Variants in NELL1 observed in about 807,000 individuals in gnomAD.
NELL1 encodes neural EGFL like 1, also known as protein kinase C-binding protein NELL1.
A neutral mutation model predicts 107.4 loss-of-function variants in NELL1; 76 were observed. The observed-to-expected ratio is 0.71, with a 90% CI of 0.59 to 0.86. NELL1 has a LOEUF of 0.86. NELL1 is among the 40% of genes least tolerant of loss of function. The pLI is 0.00. For synonymous variants in NELL1, 353 were observed against 341.2 expected (o/e 1.03, Z -0.38); for missense variants, 1,024 against 1,005.5 (o/e 1.02, Z -0.25).
At chr11:21,206,529 T>C (rs1335532001) in intron 13 of NELL1, among the ~76,000 whole-genome samples, 2 of 152,330 alleles carry the variant, frequency 1.3e-5, no homozygotes, top group East Asian at 1.9e-4. Context: ...TGAAGATACA[T>C]TGAAAAGCAG....
At chr11:20,797,667 G>C (rs1261543344) in intron 3 of NELL1, among the ~76,000 whole-genome samples, 2 of 151,870 alleles carry the variant, frequency 1.3e-5, no homozygotes, top group Non-Finnish European at 2.9e-5. Context: ...GATAATGGTG[G>C]TGCCAATTGA....
At chr11:21,488,508 C>T (rs1854705034) in intron 15 of NELL1, among the ~76,000 whole-genome samples, 1 of 152,020 alleles carries the variant, frequency 6.6e-6, no homozygotes, top group African/African-American at 2.4e-5. Context: ...GGTATGGTTA[C>T]TAGTGGAGGC....
intron 14 of NELL1, among the ~76,000 whole-genome samples, chr11:21,364,339 A>G (rs935672826): frequency 7.2e-6 from 1 of 139,366 alleles, no homozygotes; most frequent in African/African-American, 2.7e-5. Flanking sequence ...TGAACCCATG[A>G]GACAGAGGTT....
chr11:20,880,631 T>G (rs1399607625), intron 4 of NELL1, among the ~76,000 whole-genome samples: 1 of 152,200 alleles, frequency 6.6e-6, no homozygotes. Context: ...AACCTTTCTG[T>G]TTTTCAGTGC....
At chr11:21,440,802 A>G (rs534825919) in intron 15 of NELL1, among the ~76,000 whole-genome samples, 9 of 152,162 alleles carry the variant, frequency 5.9e-5, no homozygotes, top group Non-Finnish European at 1.3e-4. Flanking sequence ...GGGTAGGAAC[A>G]AAGATATTAA....
At chr11:21,091,586 A>G (rs1420377435) in intron 12 of NELL1, among the ~76,000 whole-genome samples, 1 of 152,160 alleles carries the variant, frequency 6.6e-6, no homozygotes, top group Non-Finnish European at 1.5e-5. Flanking sequence ...TTTAATATAT[A>G]ACATATTCAC....
At chr11:20,712,048 C>G (rs1664344528) in intron 2 of NELL1, among the ~76,000 whole-genome samples, 1 of 152,088 alleles carries the variant, frequency 6.6e-6, no homozygotes, top group Admixed American at 6.6e-5. Context: ...ATATGTGTTC[C>G]AAACTTTTAG....
At chr11:20,790,334 G>A (rs1001174616) in intron 3 of NELL1, among the ~76,000 whole-genome samples, 5 of 152,194 alleles carry the variant, frequency 3.3e-5, no homozygotes, top group African/African-American at 1.2e-4. Flanking sequence ...GGTGGCAGAG[G>A]GCTGGTGTGT....
At chr11:21,054,776 A>G (rs1203376990) in intron 12 of NELL1, among the ~76,000 whole-genome samples, 1 of 151,884 alleles carries the variant, frequency 6.6e-6, no homozygotes. Context: ...TTCTACTTGT[A>G]TATTCATCTT....
chr11:21,465,294 C>A (rs1247876078), intron 15 of NELL1, among the ~76,000 whole-genome samples: 3 of 152,000 alleles, frequency 2.0e-5, no homozygotes, highest in Non-Finnish European at 4.4e-5. Flanking sequence ...AAAGTATTGG[C>A]AGCTAAAAAT....
At chr11:21,046,073 C>A (rs1283400446) in intron 12 of NELL1, among the ~76,000 whole-genome samples, 1 of 152,084 alleles carries the variant, frequency 6.6e-6, no homozygotes, top group African/African-American at 2.4e-5. Flanking sequence ...TATTACTGAA[C>A]TCTTTTGTGA....
chr11:21,562,622 T>C (rs1856877324), intron 17 of NELL1, among the ~76,000 whole-genome samples: 1 of 152,072 alleles, frequency 6.6e-6, no homozygotes, highest in African/African-American at 2.4e-5. Context: ...CAATTCAATT[T>C]GATAAGAAAT....
chr11:20,741,841 C>A (rs761832896), intron 2 of NELL1, among the ~76,000 whole-genome samples: 1 of 152,144 alleles, frequency 6.6e-6, no homozygotes, highest in Non-Finnish European at 1.5e-5. Flanking sequence ...GCTCAGTTAG[C>A]CACCCCTTCC....
At chr11:20,697,724 A>G (rs1046629053) in intron 2 of NELL1, among the ~76,000 whole-genome samples, 1 of 152,114 alleles carries the variant, frequency 6.6e-6, no homozygotes, top group Non-Finnish European at 1.5e-5. Flanking sequence ...AGTGTGGATA[A>G]AGTCTTAAGA....
intron 15 of NELL1, among the ~76,000 whole-genome samples, chr11:21,433,132 C>A (rs2133835945): frequency 6.6e-6 from 1 of 152,262 alleles, no homozygotes; most frequent in African/African-American, 2.4e-5. Flanking sequence ...CCATACCTGA[C>A]TTATCTTTCC....
chr11:21,228,084 A>G (rs1003855007), intron 13 of NELL1, among the ~76,000 whole-genome samples: 4 of 152,124 alleles, frequency 2.6e-5, no homozygotes, highest in African/African-American at 4.8e-5. Context: ...TTCTTGTTTT[A>G]TAACTATTTA....
chr11:21,331,412 A>C (rs1850270180), intron 14 of NELL1, among the ~76,000 whole-genome samples: 1 of 152,010 alleles, frequency 6.6e-6, no homozygotes, highest in South Asian at 2.1e-4. Context: ...GGCTGAATAA[A>C]TTTAGTGACA....
chr11:21,284,018 G>C (rs716577), intron 14 of NELL1: 225,624 of 356,866 alleles, frequency 0.63, 71,706 homozygotes, highest in East Asian at 0.64. Flanking sequence ...GTTCAGACAT[G>C]TGTGTGTGCC....
intron 3 of NELL1, among the ~76,000 whole-genome samples, chr11:20,815,450 G>T (rs776372624): frequency 2.0e-5 from 3 of 152,066 alleles, no homozygotes; most frequent in African/African-American, 7.2e-5. Flanking sequence ...TTGGCCACTC[G>T]CATGTCTTCT....
Sources: allele counts gnomAD v4.1 joint callset (sites outside exome capture counted in the v4.1 genomes callset), GRCh38; gene constraint gnomAD v4.1.1; transcripts MANE v1.5; gene names NCBI Gene and HGNC (gene_info 2026-07-23, HGNC 2026-07-21).